The following CABCOCO1 variants were observed in gnomAD, a reference collection of about 807,000 sequenced individuals.
The protein encoded by CABCOCO1 is ciliary associated calcium binding coiled-coil 1.
In CABCOCO1, 28 loss-of-function variants were observed where a neutral mutation model predicts 35.7. That is an observed-to-expected ratio of 0.78 (90% CI 0.58 to 1.07). CABCOCO1 has a LOEUF of 1.07. Ranked by LOEUF, CABCOCO1 falls within the 50% of genes least tolerant of loss-of-function variation. The pLI is 0.00. For missense variants in CABCOCO1, 326 were observed against 309.2 expected (o/e 1.05, Z -0.41); for synonymous variants, 95 against 100.1 (o/e 0.95, Z 0.30).
intron 5 of CABCOCO1, among the ~76,000 whole-genome samples, chr10:61,759,582 G>A (rs1198534477): frequency 6.6e-6 from 1 of 152,018 alleles, no homozygotes; most frequent in East Asian, 1.9e-4. Context: ...AATCTTTGCA[G>A]CCCTTATTGT....
At chr10:61,723,581 C>G (rs1176561412) in intron 5 of CABCOCO1, among the ~76,000 whole-genome samples, 1 of 152,144 alleles carries the variant, frequency 6.6e-6, no homozygotes, top group African/African-American at 2.4e-5. Context: ...GTTCTGGAGT[C>G]TGGAAGCCCA....
At chr10:61,756,800 G>C (rs908732407) in intron 5 of CABCOCO1, among the ~76,000 whole-genome samples, 3 of 151,872 alleles carry the variant, frequency 2.0e-5, no homozygotes, top group African/African-American at 7.3e-5. Flanking sequence ...TGCTAAATCA[G>C]GGTACCAAAT....
intron 5 of CABCOCO1, among the ~76,000 whole-genome samples, chr10:61,728,420 A>G (rs1262119852): frequency 2.0e-5 from 3 of 152,192 alleles, no homozygotes; most frequent in African/African-American, 4.8e-5. Flanking sequence ...AGCACCAAAT[A>G]TCACCCAGCC....
chr10:61,684,031 C>T (rs1839879952), intron 3 of CABCOCO1, among the ~76,000 whole-genome samples: 1 of 151,980 alleles, frequency 6.6e-6, no homozygotes, highest in African/African-American at 2.4e-5. Flanking sequence ...TCAGATTTTC[C>T]ATTCATTTAT....
intron 5 of CABCOCO1, among the ~76,000 whole-genome samples, chr10:61,750,432 C>T (rs547974920): frequency 6.6e-6 from 1 of 152,188 alleles, no homozygotes; most frequent in African/African-American, 2.4e-5. Flanking sequence ...AAAAATTAGC[C>T]TAGCGTGGTG....
rs781701941 is a variant in CABCOCO1 at position 61,766,028 on chromosome 10, G to C, written c.*15G>C. On this transcript the variant is annotated 3_prime_UTR_variant, in exon 8 of 8. Transcript: ENST00000648843. ...AAAAGGCCTAAGGACTTGGTACAAG[G>C]AGAGTGATGCTAAACTTCACAGAAA... 1 of 1,602,264 alleles carries C rather than the reference G, an allele frequency of 6.2e-7. No individual in the cohort carries two copies. Among genetic ancestry groups the C allele is most frequent in the African/African-American group, 1.3e-5 (1 of 74,512 alleles).
rs537849888 is a variant in CABCOCO1, at chr10:61,674,001, A to C, written c.164+1266A>C. Among the ~76,000 whole-genome samples, 4 of 152,308 alleles carry C rather than the reference A, an allele frequency of 2.6e-5. No individual in the cohort carries two copies. In the South Asian group the frequency reaches 8.3e-4, roughly 32 times the overall value. On this transcript the variant is annotated intron_variant, in intron 2 of 7. Coordinates refer to ENST00000648843, the MANE Select transcript of CABCOCO1 (RefSeq NM_001366906.2). ...TGCAATGCAAAACAATAGGTATTTGATACTAGGCAAAATAGCACAATGCGA... is the reference window on the plus strand; with the variant it reads ...TGCAATGCAAAACAATAGGTATTTGCTACTAGGCAAAATAGCACAATGCGA...
chr10:61,756,239 A>G (rs1841894657), intron 5 of CABCOCO1, among the ~76,000 whole-genome samples: 1 of 152,056 alleles, frequency 6.6e-6, no homozygotes, highest in Admixed American at 6.6e-5. Flanking sequence ...GATGTAAACC[A>G]TCTTAAATAA....
intron 3 of CABCOCO1, among the ~76,000 whole-genome samples, chr10:61,682,098 T>TA (rs1470487134): frequency 9.2e-5 from 14 of 152,184 alleles, no homozygotes; most frequent in Non-Finnish European, 1.6e-4. Context: ...TAAAGGAAAG[T>TA]AAAAATTTTC....
intron 5 of CABCOCO1, among the ~76,000 whole-genome samples, chr10:61,748,482 T>C (rs190192355): frequency 9.8e-4 from 150 of 152,324 alleles, no homozygotes; most frequent in African/African-American, 3.6e-3. Flanking sequence ...TGTGAGTACC[T>C]TCCACATACT....
intron 5 of CABCOCO1, among the ~76,000 whole-genome samples, chr10:61,742,270 A>G (rs1428159006): frequency 6.6e-6 from 1 of 152,178 alleles, no homozygotes; most frequent in Non-Finnish European, 1.5e-5. Context: ...TGTTTTCTCC[A>G]TGCTGCCTAT....
rs184316760 is a variant in CABCOCO1 at position 61,669,921 on chromosome 10, A to G, written c.61-2711A>G. 7.2e-5 allele frequency among the ~76,000 whole-genome samples: 11 copies of G among 152,270 alleles called. No homozygotes were observed. In the East Asian group the frequency reaches 1.9e-3, roughly 27 times the overall value. The stretch of plus-strand genomic sequence containing the variant: ...GTGTATTAAAACACATAAAAATGAT[A>G]TTTAATATGAATTAAAATTTAGGTT... On this transcript the variant is annotated intron_variant, in intron 1 of 7. Transcript: ENST00000648843.
chr10:61,698,725 A>G (rs1318524145), intron 5 of CABCOCO1, among the ~76,000 whole-genome samples: 1 of 152,134 alleles, frequency 6.6e-6, no homozygotes, highest in African/African-American at 2.4e-5. Context: ...ACTATACTTA[A>G]ACATTGTTAG....
intron 5 of CABCOCO1, among the ~76,000 whole-genome samples, chr10:61,730,674 T>C (rs1458360764): frequency 6.6e-6 from 1 of 152,094 alleles, no homozygotes; most frequent in African/African-American, 2.4e-5. Context: ...ATAAATATAA[T>C]GTACTGAATA....
At chr10:61,716,892 T>C (rs1466073280) in intron 5 of CABCOCO1, among the ~76,000 whole-genome samples, 2 of 121,874 alleles carry the variant, frequency 1.6e-5, no homozygotes, top group Non-Finnish European at 4.1e-5. Flanking sequence ...GTTTGGCTTG[T>C]GACTTTCTTC....
At chr10:61,729,371 T>C (rs7067903) in intron 5 of CABCOCO1, among the ~76,000 whole-genome samples, 139,440 of 152,164 alleles carry the variant, frequency 0.92, 63,942 homozygotes, top group Middle Eastern at 0.95. Context: ...AAAAAAAATG[T>C]TCAATGTCAC....
chr10:61,689,190 T>A (rs1306750614), intron 4 of CABCOCO1, among the ~76,000 whole-genome samples: 3 of 152,176 alleles, frequency 2.0e-5, no homozygotes, highest in Non-Finnish European at 4.4e-5. Flanking sequence ...TACTCTATAG[T>A]CTTTAATTTT....
At chr10:61,763,099 AAT>A (rs1842039782) in intron 7 of CABCOCO1, among the ~76,000 whole-genome samples, 1 of 152,072 alleles carries the variant, frequency 6.6e-6, no homozygotes, top group Non-Finnish European at 1.5e-5. Context: ...ATATTTAATG[AAT>A]CACTACTCGT....
At chr10:61,721,375 C>A (rs1841016841) in intron 5 of CABCOCO1, among the ~76,000 whole-genome samples, 1 of 152,122 alleles carries the variant, frequency 6.6e-6, no homozygotes, top group South Asian at 2.1e-4. Flanking sequence ...ATCACGTAAT[C>A]CCCAGCTAGA....
Sources: allele counts gnomAD v4.1 joint callset (sites outside exome capture counted in the v4.1 genomes callset), GRCh38; gene constraint gnomAD v4.1.1; transcripts MANE v1.5; gene names NCBI Gene and HGNC (gene_info 2026-07-23, HGNC 2026-07-21).